Variants in PYROXD2 observed in about 807,000 individuals in gnomAD.
PYROXD2 encodes the protein pyridine nucleotide-disulfide oxidoreductase domain-containing protein 2.
PYROXD2 carries 69 observed loss-of-function variants against 71.1 expected under a neutral mutation model. The observed-to-expected ratio is 0.97, with a 90% CI of 0.80 to 1.19. PYROXD2 has a LOEUF of 1.19. Among genes scored for constraint, PYROXD2 ranks in the 50% most tolerant of loss-of-function variants. The pLI is 0.00. For missense variants in PYROXD2, 745 were observed against 748.9 expected, an observed-to-expected ratio of 0.99 and a Z score of 0.06; for synonymous variants, 287 against 302.7, an observed-to-expected ratio of 0.95 and a Z score of 0.54.
intron 2 of PYROXD2, among the ~76,000 whole-genome samples, chr10:98,409,447 C>T (rs988443655): frequency 6.6e-6 from 1 of 152,212 alleles, no homozygotes; most frequent in East Asian, 1.9e-4. Context: ...CTTTCTAACA[C>T]CTTCCTACTG....
At chr10:98,400,337 G>T in intron 4 of PYROXD2, 80 bp from the exon 5 acceptor site, 1 of 1,408,778 alleles carries the variant, frequency 7.1e-7, no homozygotes, top group Non-Finnish European at 9.6e-7. Flanking sequence ...TTGTGTTTGT[G>T]TGACCATTTA....
chr10:98,389,850 C>A (rs1223928672), intron 12 of PYROXD2, among the ~76,000 whole-genome samples: 1 of 152,198 alleles, frequency 6.6e-6, no homozygotes, highest in East Asian at 1.9e-4. Flanking sequence ...GCTTGCTGAT[C>A]TGTGCCCACT....
At chr10:98,413,531 T>C (rs1843859447) in intron 1 of PYROXD2, among the ~76,000 whole-genome samples, 1 of 151,806 alleles carries the variant, frequency 6.6e-6, no homozygotes, top group Admixed American at 6.6e-5. Context: ...CTCGCCAACA[T>C]GGTGAAACCC....
In PYROXD2 at chr10:98,415,120, G is replaced by A. The variant is rs764535970; in HGVS notation, c.16C>T (p.Arg6Ter). 11 of 1,613,064 alleles carry A rather than the reference G, an allele frequency of 6.8e-6. No homozygotes were observed. Among genetic ancestry groups the A allele is most frequent in the Middle Eastern group, 1.6e-4 (1 of 6,084 alleles). ...GCGGCCACAGCCTTGCAGAGACCTCGGCCACTTGCAGCCATTTCTGCCCCA... is the reference window on the plus strand; with the variant it reads ...GCGGCCACAGCCTTGCAGAGACCTCAGCCACTTGCAGCCATTTCTGCCCCA... MAASG[R>*]GLCKAVAASP... The change falls in exon 1 of 16, where the codon CGA (arginine) becomes TGA (stop). Residue 6 changes from arginine to a stop codon, truncating the protein, a stop_gained. Coordinates refer to ENST00000370575, the MANE Select transcript of PYROXD2 (RefSeq NM_032709.3). LOFTEE classifies it high-confidence loss of function.
chr10:98,396,190 C>T lies in PYROXD2; in HGVS notation c.626-738G>A, dbSNP rs540205068. Among the ~76,000 whole-genome samples, 7 of 152,320 alleles carry T rather than the reference C, an allele frequency of 4.6e-5. 1 individual carries two copies. Among genetic ancestry groups the T allele is most frequent in the African/African-American group, 1.7e-4 (7 of 41,562 alleles). On this transcript the variant is annotated intron_variant, in intron 6 of 15. Coordinates refer to ENST00000370575, the MANE Select transcript of PYROXD2 (RefSeq NM_032709.3). ...CTGCCTGGCTCCTTGGCTCTGGGCT[C>T]ATCCATGTGATTTGGTCAGCCAGTG...
intron 14 of PYROXD2, among the ~76,000 whole-genome samples, chr10:98,385,628 C>T (rs1590927051): frequency 6.6e-6 from 1 of 152,218 alleles, no homozygotes; most frequent in Non-Finnish European, 1.5e-5. Flanking sequence ...AGCCTGACGT[C>T]TGTTGGGCAT....
chr10:98,387,624 GTTTTTTTTTTTTTTT>G (rs550769911), intron 13 of PYROXD2, among the ~76,000 whole-genome samples: 1 of 113,010 alleles, frequency 8.8e-6, no homozygotes, highest in Non-Finnish European at 1.8e-5. Context: ...TTCTCAAGCT[GTTTTTTTTTTTTTTT>G]TTTTTTTTTT....
intron 4 of PYROXD2, among the ~76,000 whole-genome samples, chr10:98,405,640 A>G (rs1843572592): frequency 6.6e-6 from 1 of 152,206 alleles, no homozygotes; most frequent in South Asian, 2.1e-4. Context: ...AGGGAGGCAG[A>G]CGCAGCCGGC....
chr10:98,410,917 G>A, intron 2 of PYROXD2, 22 bp downstream of exon 2: 1 of 1,561,126 alleles, frequency 6.4e-7, no homozygotes, highest in Non-Finnish European at 8.7e-7. Flanking sequence ...AGTGAAGTGG[G>A]ATCAAGTGGG....
chr10:98,396,663 C>T (rs1222411710), intron 6 of PYROXD2, among the ~76,000 whole-genome samples: 1 of 152,106 alleles, frequency 6.6e-6, no homozygotes, highest in Non-Finnish European at 1.5e-5. Flanking sequence ...ATCTCTTGGC[C>T]CCTATATCTT....
rs1422456822 is a variant in PYROXD2, at chr10:98,397,328, C to T, written c.625+17G>A. 7.6e-6 allele frequency: 12 copies of T among 1,571,240 alleles called. No individual in the cohort carries two copies. Among genetic ancestry groups the T allele is most frequent in the Middle Eastern group, 1.7e-4 (1 of 5,852 alleles). On this transcript the variant is annotated intron_variant, in intron 6 of 15. Transcript: ENST00000370575. ...GAAGGTCACTCATCATGCCCTGGTGCCTGCACTTGGACTTACCTGCCTTCA... is the reference window on the plus strand; with the variant it reads ...GAAGGTCACTCATCATGCCCTGGTGTCTGCACTTGGACTTACCTGCCTTCA...
chr10:98,400,828 T>C (rs1843371947), intron 4 of PYROXD2, among the ~76,000 whole-genome samples: 1 of 152,224 alleles, frequency 6.6e-6, no homozygotes. Flanking sequence ...TCACAGAGTG[T>C]ACCTACACAA....
At chr10:98,396,880 G>A (rs1017097890) in intron 6 of PYROXD2, among the ~76,000 whole-genome samples, 3 of 152,190 alleles carry the variant, frequency 2.0e-5, no homozygotes, top group Non-Finnish European at 2.9e-5. Context: ...AATGCCCTGT[G>A]AGGCAACCCT....
chr10:98,413,076 C>T (rs1340718017), intron 1 of PYROXD2, among the ~76,000 whole-genome samples: 2 of 152,230 alleles, frequency 1.3e-5, no homozygotes, highest in Admixed American at 6.5e-5. Context: ...GACTGTTGCC[C>T]ATGCCCTGGC....
intron 13 of PYROXD2, 36 bp from the exon 14 acceptor site, chr10:98,387,343 A>G (rs747732536): frequency 1.4e-6 from 2 of 1,468,886 alleles, no homozygotes; most frequent in Non-Finnish European, 1.9e-6. Flanking sequence ...AGATGGTGTT[A>G]GGAAGAAGAG....
At chr10:98,395,904 A>G (rs901869966) in intron 6 of PYROXD2, among the ~76,000 whole-genome samples, 2 of 152,192 alleles carry the variant, frequency 1.3e-5, no homozygotes, top group Non-Finnish European at 2.9e-5. Flanking sequence ...AGACCATTTC[A>G]GAAAGAAACT....
intron 12 of PYROXD2, among the ~76,000 whole-genome samples, chr10:98,389,390 C>G (rs1027556900): frequency 6.6e-6 from 1 of 152,214 alleles, no homozygotes; most frequent in Non-Finnish European, 1.5e-5. Flanking sequence ...GATTCTGCAA[C>G]AGTAACCCAT....
chr10:98,414,955 G>A (rs1843949953), intron 1 of PYROXD2, 54 bp downstream of exon 1: 5 of 1,586,692 alleles, frequency 3.2e-6, no homozygotes, highest in Non-Finnish European at 4.3e-6. Context: ...CAAGCTCTGA[G>A]CAGGGCTGTC....
intron 1 of PYROXD2, 150 bp from the exon 2 acceptor site, chr10:98,411,108 G>T: frequency 6.6e-6 from 7 of 1,066,992 alleles, no homozygotes; most frequent in Non-Finnish European, 9.6e-6. Context: ...TCAGATGTTG[G>T]AACAGCATCT....
Sources: allele counts gnomAD v4.1 joint callset (sites outside exome capture counted in the v4.1 genomes callset), GRCh38; gene constraint gnomAD v4.1.1; transcripts MANE v1.5; gene names NCBI Gene and HGNC (gene_info 2026-07-23, HGNC 2026-07-21).